SP3: variants seen among roughly 807,000 people sequenced by gnomAD.
The protein encoded by SP3 is Sp3 transcription factor.
A neutral mutation model predicts 70.3 loss-of-function variants in SP3; 10 were observed. The observed-to-expected ratio is 0.14, with a 90% CI of 0.09 to 0.24. The LOEUF is 0.24. Ranked by LOEUF, SP3 falls within the 10% of genes least tolerant of loss-of-function variation. The probability of loss-of-function intolerance (pLI) is 1.00; values close to 1 mark genes in which losing one functional copy is unlikely to be tolerated. For missense variants in SP3, 825 were observed against 914.6 expected (o/e 0.90, Z 1.26); for synonymous variants, 402 against 333.5 (o/e 1.21, Z -2.24).
At chr2:173,951,348 GTA>G (rs1162294487) in intron 4 of SP3, among the ~76,000 whole-genome samples, 1 of 152,092 alleles carries the variant, frequency 6.6e-6, no homozygotes, top group Non-Finnish European at 1.5e-5. Context: ...TGTTCATGTA[GTA>G]TATGTGTATA....
chr2:173,945,803 A>G (rs1040355890), intron 4 of SP3, among the ~76,000 whole-genome samples: 11 of 152,150 alleles, frequency 7.2e-5, no homozygotes, highest in African/African-American at 2.4e-4. Context: ...TTTTGGGATA[A>G]TATTATATGA....
intron 4 of SP3, among the ~76,000 whole-genome samples, chr2:173,946,022 G>C (rs751325470): frequency 6.6e-5 from 10 of 152,214 alleles, no homozygotes; most frequent in Non-Finnish European, 1.3e-4. Context: ...AGCTACTCTA[G>C]AGGCTGAGGC....
chr2:173,922,695 C>G lies in SP3; in HGVS notation c.1640-3910G>C, dbSNP rs1209026878. Among the ~76,000 whole-genome samples, 4 of 152,216 alleles carry G rather than the reference C, an allele frequency of 2.6e-5. No homozygotes were observed. In the East Asian group the frequency reaches 7.7e-4, roughly 29 times the overall value. Reference sequence around the variant, plus strand: ...AGAAATCATTTCGGGAAGAACTTAACTGTGTCAAATACTTAAAAAGTCAAG... The same window carrying G: ...AGAAATCATTTCGGGAAGAACTTAAGTGTGTCAAATACTTAAAAAGTCAAG... On this transcript the variant is annotated intron_variant, in intron 4 of 6. Transcript: ENST00000310015.
rs1691260243 is a variant in SP3 at position 173,965,297 on chromosome 2, T to A, written c.-126A>T. 1 of 1,117,670 alleles carries A rather than the reference T, an allele frequency of 8.9e-7. No homozygotes were observed. The highest frequency in any genetic ancestry group is 1.6e-5 in the African/African-American group (1 of 62,186). The allele number at this position is 1,117,670 out of a possible 1,614,324, so 69.2% of individuals were successfully genotyped here. A position where few individuals can be genotyped will look rare whatever the true frequency, so the allele number is the denominator to read the frequency against. ...CACGGCCGGAGCGGTCCGGGGATTT[T>A]TTTTTCCTATTTTGATTGACTGTGC... On this transcript the variant is annotated 5_prime_UTR_variant, in exon 1 of 7. Transcript: ENST00000310015.
At chr2:173,911,812 C>CT (rs1559088958) in intron 6 of SP3, among the ~76,000 whole-genome samples, 4 of 115,856 alleles carry the variant, frequency 3.5e-5, no homozygotes, top group African/African-American at 1.0e-4. Context: ...CTTTTATCTA[C>CT]CTTTTTTTTT....
In SP3 at chr2:173,903,643, A is replaced by G. The variant is rs982034563; in HGVS notation, c.*6298T>C. Among the ~76,000 whole-genome samples, 1 of 152,222 alleles carries G rather than the reference A, an allele frequency of 6.6e-6. No homozygotes were observed. The highest frequency in any genetic ancestry group is 1.5e-5 in the Non-Finnish European group (1 of 68,040). On this transcript the variant is annotated 3_prime_UTR_variant, in exon 7 of 7. Coordinates refer to ENST00000310015, the MANE Select transcript of SP3 (RefSeq NM_003111.5). ...ATTCTGAGTCCTAACACACAATGAA[A>G]ATATACGTGACTTGGTGTGACATAG...
In SP3 at chr2:173,902,003, T is replaced by G. The variant is rs1689199054; in HGVS notation, c.*7938A>C. Among the ~76,000 whole-genome samples the G allele has an allele frequency of 6.6e-6, 1 of 152,134 alleles. No homozygotes were observed. On this transcript the variant is annotated 3_prime_UTR_variant, in exon 7 of 7. Coordinates refer to ENST00000310015, the MANE Select transcript of SP3 (RefSeq NM_003111.5). ...GCCCCCGGCCAAGCCTTCTTTTCAA[T>G]ATTCAACTCAAGAGAGTGGTCTACT...
intron 4 of SP3, among the ~76,000 whole-genome samples, chr2:173,937,466 C>A (rs1240959857): frequency 6.6e-6 from 1 of 152,044 alleles, no homozygotes. Context: ...AGTATACAAA[C>A]CCTGCCCAAG....
rs183905766 is a variant in SP3, at chr2:173,959,445, G to T, written c.280-3213C>A. On this transcript the variant is annotated intron_variant, in intron 3 of 6. Transcript: ENST00000310015. Reference sequence around the variant, plus strand: ...AGGAGATTTAAAAACGTACAACCGTGACAGGGCCGGTGGCTCACGCCTGTA... The same window carrying T: ...AGGAGATTTAAAAACGTACAACCGTTACAGGGCCGGTGGCTCACGCCTGTA... Among the ~76,000 whole-genome samples the T allele has an allele frequency of 6.6e-3, 995 of 150,706 alleles. 17 individuals are homozygous for T. Among genetic ancestry groups the T allele is most frequent in the East Asian group, 0.037 (194 of 5,178 alleles).
chr2:173,930,362 T>A (rs1690034720), intron 4 of SP3, among the ~76,000 whole-genome samples: 3 of 152,134 alleles, frequency 2.0e-5, no homozygotes, highest in Non-Finnish European at 2.9e-5. Flanking sequence ...AGCCCAGGAA[T>A]TTGAGACTAG....
intron 4 of SP3, among the ~76,000 whole-genome samples, chr2:173,922,290 G>T (rs937855862): frequency 3.5e-5 from 5 of 144,622 alleles, no homozygotes; most frequent in African/African-American, 1.3e-4. Flanking sequence ...CACTCCCAAG[G>T]TTTTTTTTTT....
At chr2:173,934,930 G>A (rs1690170115) in intron 4 of SP3, among the ~76,000 whole-genome samples, 1 of 152,100 alleles carries the variant, frequency 6.6e-6, no homozygotes, top group African/African-American at 2.4e-5. Context: ...GAAGTAATGG[G>A]AATTAAATAC....
At chr2:173,959,839 T>C (rs1691007734) in intron 3 of SP3, among the ~76,000 whole-genome samples, 1 of 152,250 alleles carries the variant, frequency 6.6e-6, no homozygotes. Context: ...GATAATCCTC[T>C]ACATAACCTA....
chr2:173,906,581 A>G lies in SP3; in HGVS notation c.*3360T>C, dbSNP rs377642069. 3.3e-5 allele frequency: 5 copies of G among 152,356 alleles called. No individual in the cohort carries two copies. Among genetic ancestry groups the G allele is most frequent in the East Asian group, 3.8e-4 (2 of 5,196 alleles). 9.4% of individuals were successfully genotyped at this position (152,356 alleles called of 1,614,324 possible). ...AACAGGTAGCATAACATGTCAGTTT[A>G]TATTATTTTAAAACCAAATGTTATT... On this transcript the variant is annotated 3_prime_UTR_variant, in exon 7 of 7. Coordinates refer to ENST00000310015, the MANE Select transcript of SP3 (RefSeq NM_003111.5).
At position 173,931,557 on chromosome 2, in the gene SP3, T is replaced by TGGGGCC. The variant is rs755180071; in HGVS notation, c.1640-12773_1640-12772insGGCCCC. Among the ~76,000 whole-genome samples the TGGGGCC allele has an allele frequency of 4.1e-4, 62 of 151,890 alleles. 2 individuals are homozygous for TGGGGCC. Among genetic ancestry groups the TGGGGCC allele is most frequent in the Non-Finnish European group, 1.6e-4 (11 of 67,944 alleles). On this transcript the variant is annotated intron_variant, in intron 4 of 6. Coordinates refer to ENST00000310015, the MANE Select transcript of SP3 (RefSeq NM_003111.5). ...TGGGGTTTCACCATATTGGCCAGGC[T>TGGGGCC]GGTCTTCAACTCCTGACCACGTGAT...
At chr2:173,948,530 G>A (rs934521232) in intron 4 of SP3, among the ~76,000 whole-genome samples, 3 of 151,970 alleles carry the variant, frequency 2.0e-5, no homozygotes, top group Non-Finnish European at 4.4e-5. Flanking sequence ...CTGATAAGGG[G>A]GGCGACTATT....
chr2:173,935,088 C>A (rs567157836), intron 4 of SP3, among the ~76,000 whole-genome samples: 1 of 152,166 alleles, frequency 6.6e-6, no homozygotes, highest in African/African-American at 2.4e-5. Context: ...GTTTTAAAGT[C>A]GATGTTCTAG....
rs552913941 is a variant in SP3 at position 173,908,950 on chromosome 2, A to C, written c.*991T>G. 1 of 152,120 alleles carries C rather than the reference A, an allele frequency of 6.6e-6. No homozygotes were observed. The highest frequency in any genetic ancestry group is 1.5e-5 in the Non-Finnish European group (1 of 67,806). The allele number at this position is 152,120 out of a possible 1,614,324, so 9.4% of individuals were successfully genotyped here. On this transcript the variant is annotated 3_prime_UTR_variant, in exon 7 of 7. Coordinates refer to ENST00000310015, the MANE Select transcript of SP3 (RefSeq NM_003111.5). ...CTTAAAAAAATATCATAAAACCTCT[A>C]GTTCTTCTATGACTAATATCCATAT...
intron 4 of SP3, among the ~76,000 whole-genome samples, chr2:173,943,764 A>G (rs892656233): frequency 2.0e-5 from 3 of 152,362 alleles, no homozygotes; most frequent in Admixed American, 6.5e-5. Flanking sequence ...ATTACCTAGA[A>G]TAGTGTAATA....
Sources: allele counts gnomAD v4.1 joint callset (sites outside exome capture counted in the v4.1 genomes callset), GRCh38; gene constraint gnomAD v4.1.1; transcripts MANE v1.5; gene names NCBI Gene and HGNC (gene_info 2026-07-23, HGNC 2026-07-21).